Variants in ITGA9 observed in about 807,000 individuals in gnomAD.
ITGA9 encodes integrin alpha-9.
In ITGA9, 56 loss-of-function variants were observed where a neutral mutation model predicts 127.8. That is an observed-to-expected ratio of 0.44 (90% CI 0.35 to 0.55). ITGA9 has a LOEUF of 0.55. Among genes scored for constraint, ITGA9 ranks in the 20% least tolerant of loss-of-function variants. The probability of loss-of-function intolerance (pLI) is 0.00; values close to 1 mark genes in which losing one functional copy is unlikely to be tolerated. For synonymous variants in ITGA9, 508 were observed against 514.5 expected (o/e 0.99, Z 0.17); for missense variants, 1,196 against 1,347.1 (o/e 0.89, Z 1.76).
chr3:37,697,409 A>G (rs1254112786), intron 18 of ITGA9, among the ~76,000 whole-genome samples: 1 of 151,792 alleles, frequency 6.6e-6, no homozygotes, highest in Non-Finnish European at 1.5e-5. Flanking sequence ...ATAGGTATAC[A>G]TGTGCCATGT....
chr3:37,663,590 A>T (rs1487773775), intron 17 of ITGA9, among the ~76,000 whole-genome samples: 2 of 152,182 alleles, frequency 1.3e-5, no homozygotes, highest in African/African-American at 4.8e-5. Flanking sequence ...AAACCCAGAG[A>T]GCTATTTAGA....
chr3:37,678,532 C>T (rs1054976510), intron 17 of ITGA9, among the ~76,000 whole-genome samples: 2 of 151,946 alleles, frequency 1.3e-5, no homozygotes, highest in African/African-American at 4.8e-5. Context: ...GATACAATAC[C>T]GATAATAATA....
Position 37,755,851 on chromosome 3 carries a change from GGTAAAATAAATGTTTAAATAT to G in ITGA9, c.2541+5290_2541+5310del, listed in dbSNP as rs2125540420. On this transcript the variant is annotated intron_variant, in intron 23 of 27. Transcript: ENST00000264741. ...TATGTACCAATTAGCTCAAGGCTTT[GGTAAAATAAATGTTTAAATAT>G]GTAAAATTTTAAGGGCAACAAAAAA... 2.0e-5 allele frequency among the ~76,000 whole-genome samples: 3 copies of G among 151,096 alleles called. No individual in the cohort carries two copies. The South Asian group carries it at 6.3e-4, about 32-fold the overall frequency.
intron 8 of ITGA9, among the ~76,000 whole-genome samples, chr3:37,512,101 CTTCCTTCCTTCCTTCCTTCT>C (rs1698925871): frequency 1.0e-5 from 1 of 95,860 alleles, no homozygotes; most frequent in African/African-American, 4.6e-5. Flanking sequence ...TCCTTCCTTC[CTTCCTTCCTTCCTTCCTTCT>C]TTCTTTTCTT....
chr3:37,500,697 T>A (rs999705892), intron 5 of ITGA9, among the ~76,000 whole-genome samples: 1 of 152,218 alleles, frequency 6.6e-6, no homozygotes, highest in African/African-American at 2.4e-5. Flanking sequence ...GGATCTAGCC[T>A]CCAGGGACTT....
intron 15 of ITGA9, among the ~76,000 whole-genome samples, chr3:37,599,457 A>G (rs187810956): frequency 4.2e-4 from 64 of 152,356 alleles, no homozygotes; most frequent in African/African-American, 1.4e-3. Context: ...TGAGAGTGGA[A>G]GTAGGCAAGG....
intron 1 of ITGA9, among the ~76,000 whole-genome samples, chr3:37,464,156 G>A (rs1302086097): frequency 1.4e-5 from 2 of 142,364 alleles, no homozygotes; most frequent in African/African-American, 5.2e-5. Context: ...TGTGTGTAAG[G>A]TTGTGATGGC....
intron 15 of ITGA9, among the ~76,000 whole-genome samples, chr3:37,611,573 T>C (rs1208232669): frequency 6.6e-6 from 1 of 152,192 alleles, no homozygotes; most frequent in Non-Finnish European, 1.5e-5. Flanking sequence ...GCAACTACTT[T>C]CTTCACTCTC....
intron 27 of ITGA9, 133 bp downstream of exon 27, chr3:37,804,075 T>G: frequency 7.3e-7 from 1 of 1,361,828 alleles, no homozygotes; most frequent in Non-Finnish European, 1.0e-6. Flanking sequence ...ACAGTGACCC[T>G]TCAGGCAGGG....
At chr3:37,576,232 A>G (rs1246326474) in intron 15 of ITGA9, among the ~76,000 whole-genome samples, 2 of 152,246 alleles carry the variant, frequency 1.3e-5, no homozygotes, top group African/African-American at 4.8e-5. Context: ...AGCTGGGCAC[A>G]CAGGGCTAGG....
chr3:37,496,793 G>C (rs1039269882), intron 5 of ITGA9, among the ~76,000 whole-genome samples: 1 of 152,122 alleles, frequency 6.6e-6, no homozygotes, highest in Non-Finnish European at 1.5e-5. Context: ...AGGACATGCC[G>C]GACTCCCACT....
chr3:37,683,954 A>T lies in ITGA9; in HGVS notation c.2006A>T (p.Tyr669Phe), dbSNP rs754167910. 6.2e-7 allele frequency: 1 copy of T among 1,614,050 alleles called. No individual in the cohort carries two copies. ...ATCTCCAACCTCGGAGATGATGCCT[A>T]TGATGCCAACGTGTCCTTCAATGTT... ...ISISNLGDDA[Y>F]DANVSFNVSR... Residue 669 changes from tyrosine to phenylalanine, a missense_variant, in exon 18 of 28, where the codon TAT becomes TTT. By Grantham distance (22) the Tyr-to-Phe change is conservative. Coordinates refer to ENST00000264741, the MANE Select transcript of ITGA9 (RefSeq NM_002207.3).
At chr3:37,522,708 G>A (rs1488404123) in intron 11 of ITGA9, among the ~76,000 whole-genome samples, 3 of 147,824 alleles carry the variant, frequency 2.0e-5, no homozygotes, top group African/African-American at 7.6e-5. Flanking sequence ...GGGCAACAGA[G>A]CAAGACTCTA....
At chr3:37,647,879 TATATATAC>T (rs1389199904) in intron 16 of ITGA9, among the ~76,000 whole-genome samples, 1 of 152,112 alleles carries the variant, frequency 6.6e-6, no homozygotes, top group African/African-American at 2.4e-5. Flanking sequence ...GTGTGTGTAG[TATATATAC>T]ATATATACAC....
chr3:37,787,123 T>A (rs551423654), intron 26 of ITGA9, among the ~76,000 whole-genome samples: 1 of 152,190 alleles, frequency 6.6e-6, no homozygotes, highest in African/African-American at 2.4e-5. Flanking sequence ...AAAAGAAAAG[T>A]GGTTCCCTGC....
chr3:37,471,138 G>C lies in ITGA9; in HGVS notation c.313+4G>C. 1 of 1,613,862 alleles carries C rather than the reference G, an allele frequency of 6.2e-7. No individual in the cohort carries two copies. Among genetic ancestry groups the C allele is most frequent in the African/African-American group, 1.3e-5 (1 of 74,974 alleles). On this transcript the variant is annotated splice_donor_region_variant and intron_variant, in intron 2 of 27. Coordinates refer to ENST00000264741, the MANE Select transcript of ITGA9 (RefSeq NM_002207.3). Reference sequence around the variant, plus strand: ...ACCGAACTGGACATGGCTCGAGGTGGGTGACCATTACTGCTGTGGTGGAAA... The same window carrying C: ...ACCGAACTGGACATGGCTCGAGGTGCGTGACCATTACTGCTGTGGTGGAAA...
intron 15 of ITGA9, among the ~76,000 whole-genome samples, chr3:37,557,450 A>G (rs1247378015): frequency 1.3e-5 from 2 of 152,182 alleles, no homozygotes; most frequent in African/African-American, 4.8e-5. Context: ...ACCCCTTCGA[A>G]GCAGCCATCC....
At chr3:37,707,379 G>A (rs1246566563) in intron 18 of ITGA9, among the ~76,000 whole-genome samples, 2 of 152,192 alleles carry the variant, frequency 1.3e-5, no homozygotes, top group African/African-American at 4.8e-5. Context: ...ATATTTATTT[G>A]AAGACGTTTA....
At chr3:37,777,872 C>T (rs1351320768) in intron 24 of ITGA9, among the ~76,000 whole-genome samples, 3 of 152,196 alleles carry the variant, frequency 2.0e-5, no homozygotes, top group Non-Finnish European at 4.4e-5. Flanking sequence ...TATGACACAG[C>T]CATTCTACTC....
Sources: gnomAD v4.1 joint callset for allele counts (sites outside exome capture counted in the v4.1 genomes callset) on GRCh38, gnomAD v4.1.1 for gene constraint, MANE v1.5 for transcripts, NCBI Gene and HGNC (gene_info 2026-07-23, HGNC 2026-07-21) for gene names.